The following DLX3 variants were observed in gnomAD, a reference collection of about 807,000 sequenced individuals.
DLX3 encodes the protein distal-less homeobox 3.
In DLX3, 9 loss-of-function variants were observed where a neutral mutation model predicts 28.0. That is an observed-to-expected ratio of 0.32 (90% CI 0.19 to 0.56). The LOEUF is 0.56. DLX3 is among the 20% of genes least tolerant of loss of function. DLX3 has a pLI of 0.91. For synonymous variants in DLX3, 154 were observed against 167.9 expected (o/e 0.92, Z 0.64); for missense variants, 313 against 378.2 (o/e 0.83, Z 1.43).
chr17:49,994,149 A>T (rs1215854335), intron 1 of DLX3, among the ~76,000 whole-genome samples: 2 of 108,592 alleles, frequency 1.8e-5, no homozygotes, highest in African/African-American at 3.8e-5. Flanking sequence ...CTGTCTTTCC[A>T]TACTTCCCTC....
At position 49,995,150 on chromosome 17, in the gene DLX3, GGC is replaced by G; in HGVS notation, c.-154_-153del. On this transcript the variant is annotated 5_prime_UTR_variant, in exon 1 of 3. Transcript: ENST00000434704. The stretch of plus-strand genomic sequence containing the variant: ...GTCTGGGGGGAGGGGGAGGCCGAGA[GGC>G]GCTTACACCATTGCCTGCCGTCAGG... 1 of 948,706 alleles carries G rather than the reference GGC, an allele frequency of 1.1e-6. No individual in the cohort carries two copies. The highest frequency in any genetic ancestry group is 2.6e-5 in the East Asian group (1 of 37,822). The allele number at this position is 948,706 out of a possible 1,614,324, so 58.8% of individuals were successfully genotyped here.
chr17:49,991,528 C>T lies in DLX3; in HGVS notation c.853G>A (p.Ala285Thr), dbSNP rs148713638. 7.4e-5 allele frequency: 119 copies of T among 1,604,084 alleles called. No individual in the cohort carries two copies. The African/African-American group carries it at 1.4e-3, about 19-fold the overall frequency. Residue 285 changes from alanine (A) to threonine (T), a missense_variant, in exon 3 of 3, where the codon GCT becomes ACT. Transcript: ENST00000434704. ...ASPGPPPNPG[A>T]VY ...GGCCAGATGGGTGCTCAGTACACAG[C>T]CCCAGGGTTGGGCGGGGGCCCGGGA...
chr17:49,991,912 A>G (rs764341051), intron 2 of DLX3, 48 bp from the exon 3 acceptor site: 1 of 1,576,578 alleles, frequency 6.3e-7, no homozygotes. Context: ...CAGAATGCTA[A>G]AACAACCCTG....
In DLX3 at chr17:49,994,937, C is replaced by G. The variant is rs777353435; in HGVS notation, c.62G>C (p.Ser21Thr). 1.2e-6 allele frequency: 2 copies of G among 1,613,958 alleles called. No homozygotes were observed. Among genetic ancestry groups the G allele is most frequent in the South Asian group, 2.2e-5 (2 of 91,084 alleles). The change falls in exon 1 of 3, where the codon AGC (serine) becomes ACC (threonine). Residue 21 changes from serine (S) to threonine (T), a missense_variant. This residue lies in a region of DLX3 where 183 missense variants were observed against 197.7 expected (regional missense o/e 0.93). Coordinates refer to ENST00000434704, the MANE Select transcript of DLX3 (RefSeq NM_005220.3). ...CGAGTCCTTGGAGCCCGCATGGCAG[C>G]TAAGGGAGCTGGAGATGTCGGTGAG... ...SILTDISSSL[S>T]CHAGSKDSPT...
At chr17:49,993,915 C>T (rs1042415120) in intron 1 of DLX3, among the ~76,000 whole-genome samples, 3 of 152,118 alleles carry the variant, frequency 2.0e-5, no homozygotes, top group Non-Finnish European at 2.9e-5. Flanking sequence ...GGGCTCCTCG[C>T]CGCCCGGCTG....
chr17:49,993,619 G>A (rs768753220), intron 1 of DLX3, 29 bp from the exon 2 acceptor site: 1 of 1,609,274 alleles, frequency 6.2e-7, no homozygotes, highest in Non-Finnish European at 8.5e-7. Context: ...GCGGAAGAGG[G>A]GGCGGTTCAG....
rs1209931822 is a variant in DLX3 at position 49,991,389 on chromosome 17, AG to A, written c.*127del. On this transcript the variant is annotated 3_prime_UTR_variant, in exon 3 of 3. Coordinates refer to ENST00000434704, the MANE Select transcript of DLX3 (RefSeq NM_005220.3). The stretch of plus-strand genomic sequence containing the variant: ...TGGAAGCGCTTGGGTCCCTGGAGGA[AG>A]GGGCAAGGGAGGGGGAAAGGGAGTT... The A allele has an allele frequency of 5.9e-6, 5 of 845,908 alleles. No homozygotes were observed. In the East Asian group the frequency reaches 8.0e-5, roughly 14 times the overall value. 52.4% of individuals were successfully genotyped at this position (845,908 alleles called of 1,614,324 possible).
chr17:49,991,516 C>G lies in DLX3; in HGVS notation c.*1G>C, dbSNP rs758609421. The G allele has an allele frequency of 6.3e-7, 1 of 1,599,500 alleles. No individual in the cohort carries two copies. The highest frequency in any genetic ancestry group is 8.5e-7 in the Non-Finnish European group (1 of 1,177,284). On this transcript the variant is annotated 3_prime_UTR_variant, in exon 3 of 3. Coordinates refer to ENST00000434704, the MANE Select transcript of DLX3 (RefSeq NM_005220.3). ...GTCAAGGGTGCAGGCCAGATGGGTG[C>G]TCAGTACACAGCCCCAGGGTTGGGC...
intron 2 of DLX3, 126 bp from the exon 3 acceptor site, chr17:49,991,990 GCCTCCTGACTC>G: frequency 1.1e-6 from 1 of 905,048 alleles, no homozygotes; most frequent in Non-Finnish European, 1.7e-6. Context: ...CAAAAAACAG[GCCTCCTGACTC>G]CCAGTTTCTT....
chr17:49,993,287 GGCAA>G, intron 2 of DLX3, 109 bp downstream of exon 2: 1 of 1,168,066 alleles, frequency 8.6e-7, no homozygotes, highest in African/African-American at 1.6e-5. Flanking sequence ...CCATCCCAAA[GGCAA>G]GAGTTCCAGG....
Position 49,993,543 on chromosome 17 carries a change from T to C in DLX3, c.373A>G (p.Lys125Glu). The change falls in exon 2 of 3, where the codon AAG becomes GAG. Residue 125 changes from lysine to glutamate, a missense_variant. Lys to Glu is a moderately conservative substitution (Grantham distance 56). Transcript: ENST00000434704. ...PEAEVRMVNG[K>E]PKKVRKPRTI... ...CGCGGCTTTCGGACCTTCTTGGGCT[T>C]CCCATTCACCATGCGCACCTCTGCT... is the stretch of plus-strand genomic sequence containing the variant. 6.2e-7 allele frequency: 1 copy of C among 1,613,616 alleles called. No individual in the cohort carries two copies. Among genetic ancestry groups the C allele is most frequent in the South Asian group, 1.1e-5 (1 of 91,070 alleles).
Position 49,993,381 on chromosome 17 carries a change from T to C in DLX3, c.516+19A>G, listed in dbSNP as rs1259451770. 1.3e-6 allele frequency: 2 copies of C among 1,588,504 alleles called. No homozygotes were observed. On this transcript the variant is annotated intron_variant, in intron 2 of 2. Transcript: ENST00000434704. Reference sequence around the variant, plus strand: ...GGGGTCCCGCGCGCCCCCGCGGCCCTGGACAGCCAAACACCAACCTGTGTC... The same window carrying C: ...GGGGTCCCGCGCGCCCCCGCGGCCCCGGACAGCCAAACACCAACCTGTGTC...
rs1198031977 is a variant in DLX3 at position 49,991,789 on chromosome 17, T to C, written c.592A>G (p.Ser198Gly). ...YKNGEVPLEH[S>G]PNNSDSMACN... ...GCCATGGAATCACTGTTATTGGGAC[T>C]GTGCTCCAGCGGCACCTCCCCGTTC... Residue 198 changes from serine to glycine, a missense_variant, in exon 3 of 3, where the codon AGT becomes GGT. By Grantham distance (56) the Ser-to-Gly change is moderately conservative. This residue lies in a region of DLX3 where 120 missense variants were observed against 145.4 expected (regional missense o/e 0.83). Transcript: ENST00000434704. 2 of 1,614,122 alleles carry C rather than the reference T, an allele frequency of 1.2e-6. No homozygotes were observed. Among genetic ancestry groups the C allele is most frequent in the Admixed American group, 1.7e-5 (1 of 60,018 alleles).
chr17:49,994,768 C>G lies in DLX3; in HGVS notation c.231G>C (p.Thr77=), dbSNP rs200533710. 3.7e-6 allele frequency: 6 copies of G among 1,614,088 alleles called. No individual in the cohort carries two copies. In the African/African-American group the frequency reaches 6.7e-5, roughly 18 times the overall value. The change falls in exon 1 of 3, where the codon ACG becomes ACC. Residue 77 remains threonine (T), a synonymous_variant. Transcript: ENST00000434704. The part of the protein sequence containing the change: ...HQFNLNGLAG[T]GAYSPKSEYT... ...ATTCCGACTTGGGCGAGTAAGCGCCCGTGCCTGCAAGCCCATTGAGATTGA... is the reference window on the plus strand; with the variant it reads ...ATTCCGACTTGGGCGAGTAAGCGCCGGTGCCTGCAAGCCCATTGAGATTGA...
intron 2 of DLX3, 107 bp downstream of exon 2, chr17:49,993,293 A>T: frequency 1.7e-6 from 2 of 1,208,338 alleles, no homozygotes; most frequent in Non-Finnish European, 2.3e-6. Flanking sequence ...CAAAGGCAAG[A>T]GTTCCAGGAG....
chr17:49,993,649 C>A, intron 1 of DLX3, 59 bp from the exon 2 acceptor site: 1 of 1,579,188 alleles, frequency 6.3e-7, no homozygotes. Context: ...GCGACTCCTG[C>A]GACCCTCCAG....
intron 2 of DLX3, among the ~76,000 whole-genome samples, chr17:49,992,995 G>A (rs1906145667): frequency 6.6e-6 from 1 of 152,196 alleles, no homozygotes; most frequent in African/African-American, 2.4e-5. Context: ...GACCCCGGCA[G>A]GATCACACTC....
intron 2 of DLX3, among the ~76,000 whole-genome samples, chr17:49,993,094 C>T (rs994986623): frequency 6.6e-6 from 1 of 152,324 alleles, no homozygotes. Context: ...AGTCTGCACA[C>T]ATGCCTAGCC....
chr17:49,993,615 G>C, intron 1 of DLX3, 25 bp from the exon 2 acceptor site: 5 of 1,610,702 alleles, frequency 3.1e-6, no homozygotes, highest in Non-Finnish European at 4.2e-6. Flanking sequence ...CCGGGCGGAA[G>C]AGGGGGCGGT....
Sources: gnomAD v4.1 joint callset for allele counts (sites outside exome capture counted in the v4.1 genomes callset) on GRCh38, gnomAD v4.1.1 for gene constraint, gnomAD v4.1.1 regional missense constraint, MANE v1.5 for transcripts, NCBI Gene and HGNC (gene_info 2026-07-23, HGNC 2026-07-21) for gene names.